TMEM68: variants seen among roughly 807,000 people sequenced by gnomAD.
TMEM68 encodes the protein DGAT1/2-independent enzyme synthesizing storage lipids.
In TMEM68, 25 loss-of-function variants were observed where a neutral mutation model predicts 36.9. That is an observed-to-expected ratio of 0.68 (90% CI 0.49 to 0.95). The LOEUF is 0.95. Ranked by LOEUF, TMEM68 falls within the 40% of genes least tolerant of loss-of-function variation. The pLI is 0.00. For missense variants in TMEM68, 333 were observed against 392.0 expected, an observed-to-expected ratio of 0.85 and a Z score of 1.27; for synonymous variants, 131 against 124.4, an observed-to-expected ratio of 1.05 and a Z score of -0.35.
intron 7 of TMEM68, among the ~76,000 whole-genome samples, chr8:55,740,779 G>A (rs1010943564): frequency 2.6e-5 from 4 of 151,182 alleles, no homozygotes; most frequent in Admixed American, 1.3e-4. Context: ...GGCTGGTCTC[G>A]AACTCCTGGA....
At chr8:55,769,018 T>TTTAAAAAAAAAACAAAAA (rs1554556017) in intron 1 of TMEM68, among the ~76,000 whole-genome samples, 1 of 82,094 alleles carries the variant, frequency 1.2e-5, no homozygotes, top group Non-Finnish European at 2.4e-5. Context: ...ACTCTGTCTT[T>TTTAAAAAAAAAACAAAAA]AAAAAAAAAA....
chr8:55,770,390 T>C (rs1246633024), intron 1 of TMEM68, among the ~76,000 whole-genome samples: 2 of 152,110 alleles, frequency 1.3e-5, no homozygotes, highest in African/African-American at 2.4e-5. Flanking sequence ...CCAAGAAAAA[T>C]GACATGGGCC....
intron 4 of TMEM68, chr8:55,751,491 A>G (rs1405385656): frequency 2.3e-6 from 1 of 440,608 alleles, no homozygotes; most frequent in Non-Finnish European, 4.4e-6. Context: ...TAGGATTCTA[A>G]TGGGATTCAG....
chr8:55,740,244 A>G (rs759075505), intron 7 of TMEM68, 26 bp from the exon 8 acceptor site: 10 of 1,559,758 alleles, frequency 6.4e-6, no homozygotes, highest in Admixed American at 1.7e-5. Context: ...AAGAAAAGCT[A>G]TTGTTAGTAG....
intron 3 of TMEM68, among the ~76,000 whole-genome samples, chr8:55,757,003 G>A (rs957553995): frequency 2.6e-5 from 4 of 152,066 alleles, no homozygotes; most frequent in African/African-American, 9.7e-5. Flanking sequence ...AATGATGGGA[G>A]ATGGGTTACA....
chr8:55,752,137 G>C (rs1367851252), intron 4 of TMEM68, among the ~76,000 whole-genome samples: 1 of 152,000 alleles, frequency 6.6e-6, no homozygotes, highest in Non-Finnish European at 1.5e-5. Context: ...CAACTCAGGA[G>C]GGGGAGGTTG....
chr8:55,762,725 C>A lies in TMEM68; in HGVS notation c.235G>T (p.Val79Leu). The A allele has an allele frequency of 6.2e-7, 1 of 1,614,016 alleles. No homozygotes were observed. Among genetic ancestry groups the A allele is most frequent in the Non-Finnish European group, 8.5e-7 (1 of 1,179,972 alleles). ...TTATGAGAGTAGGCTTCTTTCAATA[C>A]ATTCTTTCTCTTATAAATGTGTAAG... ...IFLHIYKRKN[V>L]LKEAYSHNLW... The change falls in exon 3 of 8, where the codon GTA becomes TTA. Residue 79 changes from valine (V) to leucine (L), a missense_variant. Val to Leu is a conservative substitution (Grantham distance 32). Coordinates refer to ENST00000434581, the MANE Select transcript of TMEM68 (RefSeq NM_001286657.2).
chr8:55,744,990 T>C, intron 6 of TMEM68, 71 bp downstream of exon 6: 1 of 1,003,114 alleles, frequency 1.0e-6, no homozygotes, highest in South Asian at 1.9e-5. Flanking sequence ...AAAGGTTTCC[T>C]TGTAGGGTTC....
At chr8:55,761,364 G>A (rs759095519) in intron 3 of TMEM68, 2 of 152,154 alleles carry the variant, frequency 1.3e-5, no homozygotes, top group African/African-American at 2.4e-5. Context: ...ATTACTTGGA[G>A]CACTTCCAGT....
At chr8:55,744,724 C>T (rs1399479470) in intron 6 of TMEM68, among the ~76,000 whole-genome samples, 2 of 152,158 alleles carry the variant, frequency 1.3e-5, no homozygotes, top group East Asian at 1.9e-4. Flanking sequence ...AAAGCTGTAA[C>T]TTCTGGGGTG....
chr8:55,765,519 C>A (rs1158365212), intron 1 of TMEM68, among the ~76,000 whole-genome samples: 2 of 152,166 alleles, frequency 1.3e-5, no homozygotes, highest in Admixed American at 1.3e-4. Context: ...GTGTAAAGAG[C>A]CTAGAATACC....
chr8:55,769,880 G>A (rs773531680), intron 1 of TMEM68, among the ~76,000 whole-genome samples: 69 of 152,116 alleles, frequency 4.5e-4, no homozygotes, highest in Non-Finnish European at 7.5e-4. Context: ...TGATCCGCCC[G>A]CCTCCACCTT....
At chr8:55,746,187 G>A (rs537099858) in intron 5 of TMEM68, 2 of 150,870 alleles carry the variant, frequency 1.3e-5, no homozygotes, top group African/African-American at 4.9e-5. Flanking sequence ...GCGGTGGTAC[G>A]TGCCTGTAGT....
intron 7 of TMEM68, among the ~76,000 whole-genome samples, chr8:55,740,661 G>C (rs1233203637): frequency 6.6e-6 from 1 of 152,124 alleles, no homozygotes; most frequent in Non-Finnish European, 1.5e-5. Flanking sequence ...TTTCGAGTAG[G>C]CAAATGGAAG....
intron 1 of TMEM68, among the ~76,000 whole-genome samples, chr8:55,765,563 C>T (rs895126816): frequency 6.6e-6 from 1 of 152,190 alleles, no homozygotes; most frequent in Non-Finnish European, 1.5e-5. Flanking sequence ...TTTGCTATCG[C>T]TATCATTCAT....
At chr8:55,756,722 C>T (rs6415681) in intron 3 of TMEM68, among the ~76,000 whole-genome samples, 149,405 of 152,152 alleles carry the variant, frequency 0.98, 73,366 homozygotes, top group East Asian at 1. Context: ...AGCAGAGTCA[C>T]GAGGGCACTG....
At chr8:55,765,123 T>C (rs1810924106) in intron 1 of TMEM68, among the ~76,000 whole-genome samples, 1 of 152,122 alleles carries the variant, frequency 6.6e-6, no homozygotes, top group African/African-American at 2.4e-5. Flanking sequence ...CCATGTTTGA[T>C]CATTTAGAAT....
chr8:55,745,011 A>C, intron 6 of TMEM68, 50 bp downstream of exon 6: 1 of 1,262,480 alleles, frequency 7.9e-7, no homozygotes, highest in Non-Finnish European at 1.0e-6. Context: ...AACAGCCCAA[A>C]TATTTTAAAA....
At position 55,756,543 on chromosome 8, in the gene TMEM68, CT is replaced by C. The variant is rs570140117; in HGVS notation, c.326-133del. 4.2e-4 allele frequency: 315 copies of C among 750,046 alleles called. 1 individual carries two copies. In the African/African-American group the frequency reaches 5.2e-3, roughly 12 times the overall value. 46.5% of individuals were successfully genotyped at this position (750,046 alleles called of 1,614,324 possible). ...CTGGTTCTCTTCCCCTTTCCCCCTT[CT>C]TCCCTCTCTTTCCTCTTCTCTTTCT... On this transcript the variant is annotated intron_variant, in intron 3 of 7. Transcript: ENST00000434581.
Sources: allele counts gnomAD v4.1 joint callset (sites outside exome capture counted in the v4.1 genomes callset), GRCh38; gene constraint gnomAD v4.1.1; transcripts MANE v1.5; gene names NCBI Gene and HGNC (gene_info 2026-07-23, HGNC 2026-07-21).